The following RAVER2 variants were observed in gnomAD, a reference collection of about 807,000 sequenced individuals.
RAVER2 encodes ribonucleoprotein PTB-binding 2.
A neutral mutation model predicts 78.1 loss-of-function variants in RAVER2; 46 were observed. That is an observed-to-expected ratio of 0.59 (90% CI 0.46 to 0.75). The LOEUF (loss-of-function observed/expected upper bound fraction) is 0.75. Ranked by LOEUF, RAVER2 falls within the 30% of genes least tolerant of loss-of-function variation. RAVER2 has a pLI of 0.00. For missense variants in RAVER2, 793 were observed against 837.5 expected (o/e 0.95, Z 0.66); for synonymous variants, 311 against 313.3 (o/e 0.99, Z 0.08).
chr1:64,803,985 A>G (rs891898212), intron 6 of RAVER2, among the ~76,000 whole-genome samples: 1 of 152,178 alleles, frequency 6.6e-6, no homozygotes, highest in African/African-American at 2.4e-5. Flanking sequence ...TTTAAGGCCC[A>G]TACATTTGAG....
At chr1:64,833,131 C>A in exon 12 of RAVER2, 1 of 184,316 alleles carries the variant, frequency 5.4e-6, no homozygotes, top group African/African-American at 2.3e-5. Context: ...GTAACCCACC[C>A]CTTCCTCCCC....
exon 11 of RAVER2, chr1:64,814,744 A>T: frequency 1.9e-6 from 3 of 1,574,900 alleles, no homozygotes; most frequent in Non-Finnish European, 2.6e-6. Flanking sequence ...CTGGAATTGC[A>T]AGCAGCATTC....
At chr1:64,795,039 A>G (rs1019389537) in intron 5 of RAVER2, among the ~76,000 whole-genome samples, 4 of 152,178 alleles carry the variant, frequency 2.6e-5, no homozygotes, top group African/African-American at 7.2e-5. Context: ...ATATAGTTAT[A>G]CAATTATTCT....
intron 5 of RAVER2, among the ~76,000 whole-genome samples, chr1:64,796,223 T>A (rs1044907640): frequency 2.6e-5 from 4 of 152,064 alleles, no homozygotes; most frequent in Non-Finnish European, 5.9e-5. Context: ...TCTATGTTTA[T>A]GAGGTATATT....
intron 3 of RAVER2, among the ~76,000 whole-genome samples, chr1:64,780,828 T>G (rs1349674555): frequency 6.6e-6 from 1 of 152,198 alleles, no homozygotes; most frequent in Non-Finnish European, 1.5e-5. Flanking sequence ...ATAAAAGTTG[T>G]GTGTTGCTTA....
intron 11 of RAVER2, among the ~76,000 whole-genome samples, chr1:64,825,982 C>T (rs947710009): frequency 7.9e-5 from 12 of 152,226 alleles, no homozygotes; most frequent in African/African-American, 1.9e-4. Context: ...GTGCCCAAAG[C>T]GAGAAGCACA....
intron 1 of RAVER2, among the ~76,000 whole-genome samples, chr1:64,752,848 T>C (rs748549212): frequency 9.2e-5 from 14 of 152,140 alleles, no homozygotes; most frequent in Non-Finnish European, 1.3e-4. Flanking sequence ...TTCTCTCTGC[T>C]GGATATGAAT....
intron 1 of RAVER2, among the ~76,000 whole-genome samples, chr1:64,762,914 C>T (rs1652060719): frequency 6.6e-6 from 1 of 152,080 alleles, no homozygotes; most frequent in African/African-American, 2.4e-5. Flanking sequence ...GTCTTCTTAT[C>T]AAAAAGACAT....
Position 64,745,393 on chromosome 1 carries a change from A to G in RAVER2, c.221A>G (p.Lys74Arg). 6.5e-7 allele frequency: 1 copy of G among 1,538,974 alleles called. No homozygotes were observed. Among genetic ancestry groups the G allele is most frequent in the Non-Finnish European group, 8.8e-7 (1 of 1,140,480 alleles). Residue 74 changes from lysine (K) to arginine (R), a missense_variant, in exon 1 of 12, where the codon AAA becomes AGA. By Grantham distance (26) the Lys-to-Arg change is conservative. Transcript: ENST00000294428. The surrounding 1 kb of genome is among the most constrained non-coding windows in gnomAD (Gnocchi z 4.3). ...AGCAACCGCAGGAAAATCCTGGTGAAAAACCTGCCCCAGGACAGCAACTGC... is the reference window on the plus strand; with the variant it reads ...AGCAACCGCAGGAAAATCCTGGTGAGAAACCTGCCCCAGGACAGCAACTGC...
chr1:64,804,916 G>T, intron 7 of RAVER2, 75 bp from the exon 8 acceptor site: 2 of 1,530,146 alleles, frequency 1.3e-6, no homozygotes, highest in South Asian at 1.2e-5. Flanking sequence ...GGTTGTTTAT[G>T]AATTTTCACG....
chr1:64,774,783 C>T (rs528924129), intron 2 of RAVER2, among the ~76,000 whole-genome samples: 29 of 152,212 alleles, frequency 1.9e-4, no homozygotes, highest in Admixed American at 5.2e-4. Flanking sequence ...GCCATTTTTA[C>T]GATATTGATT....
chr1:64,755,239 T>C (rs1428691633), intron 1 of RAVER2, among the ~76,000 whole-genome samples: 4 of 152,180 alleles, frequency 2.6e-5, no homozygotes, highest in Non-Finnish European at 5.9e-5. Context: ...GAAAATAAGT[T>C]TCTCTTTTGT....
intron 4 of RAVER2, 40 bp downstream of exon 4, chr1:64,781,611 G>C: frequency 6.4e-7 from 1 of 1,565,806 alleles, no homozygotes; most frequent in Non-Finnish European, 8.7e-7. Flanking sequence ...TTAGAGTATA[G>C]AAAATTCTAA....
chr1:64,776,361 C>CT (rs994203747), intron 2 of RAVER2, among the ~76,000 whole-genome samples: 67 of 152,238 alleles, frequency 4.4e-4, no homozygotes, highest in African/African-American at 1.6e-3. Flanking sequence ...CAATAGTTTT[C>CT]TTGCGTGTGG....
intron 1 of RAVER2, among the ~76,000 whole-genome samples, chr1:64,754,429 TAC>T (rs796304082): frequency 1.3e-4 from 20 of 152,320 alleles, no homozygotes; most frequent in African/African-American, 4.6e-4. Flanking sequence ...AGAAGCGGAC[TAC>T]CCACCTACCT....
exon 12 of RAVER2, chr1:64,832,201 G>C (rs907265293): frequency 5.9e-5 from 9 of 152,594 alleles, no homozygotes; most frequent in Non-Finnish European, 7.3e-5. Context: ...GTATAGTAAA[G>C]CAGTCAATAC....
intron 5 of RAVER2, among the ~76,000 whole-genome samples, chr1:64,796,310 T>A (rs1653094746): frequency 6.6e-6 from 1 of 152,036 alleles, no homozygotes; most frequent in Non-Finnish European, 1.5e-5. Flanking sequence ...TGGAAAATAT[T>A]CCCTCTCTTC....
intron 3 of RAVER2, among the ~76,000 whole-genome samples, chr1:64,779,799 G>C (rs1213923264): frequency 1.3e-5 from 2 of 151,404 alleles, no homozygotes; most frequent in African/African-American, 2.4e-5. Context: ...AGTTGGAAGA[G>C]CCCTTAGAGA....
chr1:64,804,701 A>T (rs201846764), intron 6 of RAVER2, 33 bp from the exon 7 acceptor site: 18 of 1,130,554 alleles, frequency 1.6e-5, no homozygotes, highest in Non-Finnish European at 2.1e-5. Context: ...AGCTTTTCAA[A>T]ATTAAACTGA....
Sources: allele counts gnomAD v4.1 joint callset (sites outside exome capture counted in the v4.1 genomes callset), GRCh38; gene constraint gnomAD v4.1.1; non-coding constraint Gnocchi (gnomAD v3.1); transcripts MANE v1.5; gene names NCBI Gene and HGNC (gene_info 2026-07-23, HGNC 2026-07-21).